CNTNAP2: variants seen among roughly 807,000 people sequenced by gnomAD.
The protein encoded by CNTNAP2 is contactin associated protein 2, also known as contactin-associated protein-like 2.
Under a neutral mutation model 155.2 loss-of-function variants are expected in CNTNAP2, and 98 were observed. The observed-to-expected ratio is 0.63, with a 90% CI of 0.54 to 0.75. CNTNAP2 has a LOEUF of 0.75. CNTNAP2 is among the 30% of genes least tolerant of loss of function. The pLI is 0.00. For missense variants in CNTNAP2, 1,727 were observed against 1,688.1 expected (o/e 1.02, Z -0.40); for synonymous variants, 651 against 631.2 (o/e 1.03, Z -0.47).
At chr7:146,472,434 A>G (rs973779071) in intron 1 of CNTNAP2, among the ~76,000 whole-genome samples, 9 of 152,236 alleles carry the variant, frequency 5.9e-5, no homozygotes, top group Admixed American at 5.9e-4. Context: ...CCTCAAAGTT[A>G]AAGCAATACG....
At chr7:147,642,819 C>T (rs187141395) in intron 13 of CNTNAP2, among the ~76,000 whole-genome samples, 54 of 152,290 alleles carry the variant, frequency 3.5e-4, no homozygotes, top group African/African-American at 9.9e-4. Context: ...ATCAGTTTCT[C>T]ATAAGCTTCT....
At chr7:148,016,268 C>T (rs1056325506) in intron 15 of CNTNAP2, among the ~76,000 whole-genome samples, 9 of 152,182 alleles carry the variant, frequency 5.9e-5, no homozygotes, top group African/African-American at 1.9e-4. Flanking sequence ...TTCTGCATGG[C>T]GGTAGAGCTG....
intron 1 of CNTNAP2, among the ~76,000 whole-genome samples, chr7:146,426,391 A>G (rs1385190236): frequency 3.4e-5 from 2 of 58,304 alleles, no homozygotes; most frequent in South Asian, 3.1e-4. Flanking sequence ...AAATGTATAT[A>G]TATATATATA....
chr7:147,167,182 C>G (rs148395928), intron 8 of CNTNAP2, among the ~76,000 whole-genome samples: 137 of 152,172 alleles, frequency 9.0e-4, no homozygotes, highest in African/African-American at 3.2e-3. Flanking sequence ...CTATTATGCT[C>G]TCACATGCAA....
At chr7:147,000,460 G>T (rs2129240809) in intron 3 of CNTNAP2, among the ~76,000 whole-genome samples, 1 of 152,048 alleles carries the variant, frequency 6.6e-6, no homozygotes, top group Non-Finnish European at 1.5e-5. Context: ...TTGGTCATGT[G>T]CTGATGTCTG....
intron 12 of CNTNAP2, among the ~76,000 whole-genome samples, chr7:147,565,586 G>C (rs1460788559): frequency 6.6e-6 from 1 of 152,130 alleles, no homozygotes; most frequent in Non-Finnish European, 1.5e-5. Context: ...GGTTTAAAGT[G>C]ATGAGAAATT....
chr7:148,010,942 T>C (rs1319062639), intron 15 of CNTNAP2, among the ~76,000 whole-genome samples: 3 of 152,170 alleles, frequency 2.0e-5, no homozygotes, highest in African/African-American at 7.2e-5. Context: ...TCTACAGTGT[T>C]GATTTTTAAT....
intron 1 of CNTNAP2, among the ~76,000 whole-genome samples, chr7:146,473,915 G>A (rs1453880798): frequency 6.6e-6 from 1 of 152,102 alleles, no homozygotes; most frequent in African/African-American, 2.4e-5. Context: ...AAAGATTTCA[G>A]GATTGTGTCC....
At position 146,713,065 on chromosome 7, in the gene CNTNAP2, A is replaced by G. The variant is rs187909484; in HGVS notation, c.98-61206A>G. On this transcript the variant is annotated intron_variant, in intron 1 of 23. Coordinates refer to ENST00000361727, the MANE Select transcript of CNTNAP2 (RefSeq NM_014141.6). ...CTCTGAATTACTTCATTTGGTTTTC[A>G]AAACTAAAACTTATAAGAAATCTCA... Among the ~76,000 whole-genome samples, 28 of 152,216 alleles carry G rather than the reference A, an allele frequency of 1.8e-4. No individual in the cohort carries two copies. The East Asian group carries it at 5.2e-3, about 28-fold the overall frequency.
At chr7:148,359,043 A>G (rs1177950) in intron 21 of CNTNAP2, among the ~76,000 whole-genome samples, 4,839 of 152,354 alleles carry the variant, frequency 0.032, 111 homozygotes, top group Non-Finnish European at 0.054. Flanking sequence ...AGATTATAAT[A>G]TGGTTACTTT....
intron 21 of CNTNAP2, among the ~76,000 whole-genome samples, chr7:148,336,014 C>T (rs1798109196): frequency 6.6e-6 from 1 of 152,178 alleles, no homozygotes; most frequent in Non-Finnish European, 1.5e-5. Flanking sequence ...TTATGTCTGT[C>T]TTCCTGCCCC....
chr7:147,250,785 C>T (rs904486065), intron 8 of CNTNAP2, among the ~76,000 whole-genome samples: 4 of 152,096 alleles, frequency 2.6e-5, no homozygotes, highest in African/African-American at 9.7e-5. Flanking sequence ...ATTCTCAGAC[C>T]TCACCCTGGA....
chr7:147,414,269 T>G (rs376647153), intron 10 of CNTNAP2, among the ~76,000 whole-genome samples: 1 of 151,788 alleles, frequency 6.6e-6, no homozygotes, highest in South Asian at 2.1e-4. Context: ...GCTAAAAATA[T>G]AAAGATTAGC....
chr7:146,144,332 G>T (rs1797925965), intron 1 of CNTNAP2, among the ~76,000 whole-genome samples: 1 of 151,662 alleles, frequency 6.6e-6, no homozygotes, highest in African/African-American at 2.4e-5. Context: ...TCATATTTTG[G>T]TTAGAGAGGG....
intron 14 of CNTNAP2, among the ~76,000 whole-genome samples, chr7:147,919,690 A>C (rs1169251305): frequency 6.7e-6 from 1 of 149,514 alleles, no homozygotes; most frequent in Non-Finnish European, 1.5e-5. Context: ...GATCTCCTGA[A>C]CTCGTGATCC....
rs536564374 is a variant in CNTNAP2, at chr7:148,390,541, C to A, written c.3715+6653C>A. Among the ~76,000 whole-genome samples the A allele has an allele frequency of 2.8e-4, 42 of 152,202 alleles. No homozygotes were observed. In the East Asian group the frequency reaches 7.9e-3, roughly 29 times the overall value. On this transcript the variant is annotated intron_variant, in intron 22 of 23. Transcript: ENST00000361727. ...TTAAAGGGATCTTGGCAAACCAGGG[C>A]TACTCAATCCATACCTATACCAGGA...
intron 18 of CNTNAP2, among the ~76,000 whole-genome samples, chr7:148,197,165 A>G (rs758648344): frequency 6.6e-6 from 1 of 152,224 alleles, no homozygotes; most frequent in Non-Finnish European, 1.5e-5. Flanking sequence ...TTCAAATAGC[A>G]TTCATCAGTA....
intron 21 of CNTNAP2, among the ~76,000 whole-genome samples, chr7:148,287,184 A>G (rs1797098197): frequency 6.6e-6 from 1 of 152,170 alleles, no homozygotes; most frequent in Admixed American, 6.5e-5. Context: ...TACAATATGT[A>G]CCCTTTTCAG....
At chr7:146,720,640 C>T (rs1298775519) in intron 1 of CNTNAP2, among the ~76,000 whole-genome samples, 1 of 151,914 alleles carries the variant, frequency 6.6e-6, no homozygotes, top group Non-Finnish European at 1.5e-5. Context: ...ATAGAAATGA[C>T]ACCTATTTTG....
Sources: allele counts gnomAD v4.1 joint callset (sites outside exome capture counted in the v4.1 genomes callset), GRCh38; gene constraint gnomAD v4.1.1; transcripts MANE v1.5; gene names NCBI Gene and HGNC (gene_info 2026-07-23, HGNC 2026-07-21).